The following SHISA9 variants were observed in gnomAD, a reference collection of about 807,000 sequenced individuals.
SHISA9 encodes protein shisa-9.
In SHISA9, 13 loss-of-function variants were observed where a neutral mutation model predicts 38.0. The ratio of observed to expected loss-of-function variants is 0.34; its 90% confidence interval spans 0.22 to 0.54. The LOEUF (loss-of-function observed/expected upper bound fraction) is 0.54, where lower values mean the gene tolerates loss of function less well. Among genes scored for constraint, SHISA9 ranks in the 20% least tolerant of loss-of-function variants. SHISA9 has a pLI of 0.91. For synonymous variants in SHISA9, 275 were observed against 242.0 expected, an observed-to-expected ratio of 1.14 and a Z score of -1.27; for missense variants, 538 against 575.8, an observed-to-expected ratio of 0.93 and a Z score of 0.67.
At chr16:13,194,411 C>G (rs2050917357) in intron 2 of SHISA9, among the ~76,000 whole-genome samples, 1 of 152,202 alleles carries the variant, frequency 6.6e-6, no homozygotes, top group Non-Finnish European at 1.5e-5. Flanking sequence ...AAGCTTGGCT[C>G]TGCTGTTTCC....
chr16:13,021,233 A>T (rs961171946), intron 2 of SHISA9, among the ~76,000 whole-genome samples: 1 of 152,072 alleles, frequency 6.6e-6, no homozygotes, highest in Non-Finnish European at 1.5e-5. Flanking sequence ...TATTGTTACC[A>T]CTGGGAAAGG....
At chr16:13,312,705 T>G in the SHISA9 span, among the ~76,000 whole-genome samples, 1 of 152,190 alleles carries the variant, frequency 6.6e-6, no homozygotes, top group Non-Finnish European at 1.5e-5. Flanking sequence ...ATTTATAATG[T>G]TTAGGTAAAT....
intron 2 of SHISA9, among the ~76,000 whole-genome samples, chr16:12,949,355 G>C (rs2071726230): frequency 6.6e-6 from 1 of 152,172 alleles, no homozygotes; most frequent in African/African-American, 2.4e-5. Flanking sequence ...GAGGCAATGG[G>C]GTTGGCCTTT....
At chr16:13,472,447 C>A in the SHISA9 span, among the ~76,000 whole-genome samples, 9 of 124,562 alleles carry the variant, frequency 7.2e-5, no homozygotes, top group Non-Finnish European at 1.3e-4. Context: ...GCTGGAGTGC[C>A]GTGGAACAAT....
the SHISA9 span, among the ~76,000 whole-genome samples, chr16:13,294,421 C>T: frequency 6.6e-6 from 1 of 152,172 alleles, no homozygotes; most frequent in Non-Finnish European, 1.5e-5. Context: ...CCTGGACCAG[C>T]ATATAGCCTG....
chr16:12,941,679 C>T (rs560310570), intron 2 of SHISA9, among the ~76,000 whole-genome samples: 4 of 152,284 alleles, frequency 2.6e-5, no homozygotes, highest in Admixed American at 2.0e-4. Context: ...ATGGTGAAAC[C>T]CCATCTCTAC....
chr16:13,444,899 C>G, the SHISA9 span, among the ~76,000 whole-genome samples: 1 of 150,102 alleles, frequency 6.7e-6, no homozygotes, highest in Non-Finnish European at 1.5e-5. Flanking sequence ...CTCACTGCAA[C>G]CTCTGCCCCC....
chr16:13,303,515 C>A, the SHISA9 span, among the ~76,000 whole-genome samples: 3 of 152,056 alleles, frequency 2.0e-5, no homozygotes, highest in East Asian at 5.8e-4. Flanking sequence ...TTGTACAATT[C>A]CATTTATGAA....
At chr16:12,918,725 A>G (rs1232021244) in intron 2 of SHISA9, among the ~76,000 whole-genome samples, 1 of 152,204 alleles carries the variant, frequency 6.6e-6, no homozygotes, top group East Asian at 1.9e-4. Context: ...GTGTCTCATA[A>G]TAGTGTACTG....
Position 13,201,333 on chromosome 16 carries a change from A to G in SHISA9, c.692-2061A>G, listed in dbSNP as rs1205647950. 4.4e-5 allele frequency among the ~76,000 whole-genome samples: 6 copies of G among 136,062 alleles called. 2 individuals are homozygous for G. The highest frequency in any genetic ancestry group is 1.7e-4 in the African/African-American group (6 of 34,700). 89.3% of individuals were successfully genotyped at this position (136,062 alleles called of 152,430 possible). A position where few individuals can be genotyped will look rare whatever the true frequency, so the allele number is the denominator to read the frequency against. On this transcript the variant is annotated intron_variant, in intron 2 of 4. Transcript: ENST00000558583. Reference sequence around the variant, plus strand: ...ATAACCTACTCACATCCTCTCATATACTTTAAGTCATCTCTAGATTACTTA... The same window carrying G: ...ATAACCTACTCACATCCTCTCATATGCTTTAAGTCATCTCTAGATTACTTA...
chr16:13,532,665 C>A, the SHISA9 span, among the ~76,000 whole-genome samples: 1 of 152,090 alleles, frequency 6.6e-6, no homozygotes, highest in East Asian at 1.9e-4. Flanking sequence ...AAAGTGTCCC[C>A]CTTGCTTCAC....
At chr16:13,551,121 C>T in the SHISA9 span, among the ~76,000 whole-genome samples, 1 of 132,608 alleles carries the variant, frequency 7.5e-6, no homozygotes, top group Admixed American at 7.2e-5. Context: ...GAGACTCCAT[C>T]TCGAAAAAAA....
chr16:13,417,879 G>C, the SHISA9 span, among the ~76,000 whole-genome samples: 1 of 152,236 alleles, frequency 6.6e-6, no homozygotes, highest in Non-Finnish European at 1.5e-5. Context: ...AACAGAGGAT[G>C]CTTGAAGCTT....
the SHISA9 span, among the ~76,000 whole-genome samples, chr16:13,270,654 T>C: frequency 6.6e-6 from 1 of 152,226 alleles, no homozygotes; most frequent in Non-Finnish European, 1.5e-5. Context: ...ATTGGTTGTA[T>C]GACCTTGCCC....
the SHISA9 span, among the ~76,000 whole-genome samples, chr16:13,464,097 A>G: frequency 7.2e-5 from 11 of 152,340 alleles, no homozygotes; most frequent in South Asian, 2.3e-3. Flanking sequence ...TAAGCTTTCC[A>G]TGCCTCAGTT....
chr16:12,922,616 T>G (rs2071342036), intron 2 of SHISA9, among the ~76,000 whole-genome samples: 1 of 152,242 alleles, frequency 6.6e-6, no homozygotes, highest in Admixed American at 6.5e-5. Context: ...GCCTCCCAGA[T>G]TCAAGCGATT....
intron 2 of SHISA9, among the ~76,000 whole-genome samples, chr16:13,016,606 T>G (rs914554746): frequency 6.6e-6 from 1 of 152,218 alleles, no homozygotes; most frequent in African/African-American, 2.4e-5. Flanking sequence ...TTTTTTGCCG[T>G]TTTTGTTTAT....
At chr16:13,104,792 A>G (rs1418256509) in intron 2 of SHISA9, among the ~76,000 whole-genome samples, 1 of 152,218 alleles carries the variant, frequency 6.6e-6, no homozygotes, top group Admixed American at 6.5e-5. Flanking sequence ...CTATACATTT[A>G]CTAAAAATCA....
chr16:12,907,296 T>G (rs1299342473), intron 1 of SHISA9, among the ~76,000 whole-genome samples: 3 of 147,740 alleles, frequency 2.0e-5, no homozygotes, highest in South Asian at 4.5e-4. Flanking sequence ...CTTCTTTGCT[T>G]CTTTTTTCCT....
Sources: allele counts gnomAD v4.1 joint callset (sites outside exome capture counted in the v4.1 genomes callset), GRCh38; gene constraint gnomAD v4.1.1; transcripts MANE v1.5; gene names NCBI Gene and HGNC (gene_info 2026-07-23, HGNC 2026-07-21).